Variants in AGBL1 observed in about 807,000 individuals in gnomAD.
AGBL1 encodes the protein AGBL carboxypeptidase 1, also known as cytosolic carboxypeptidase 4.
In AGBL1, 130 loss-of-function variants were observed where a neutral mutation model predicts 118.9. That is an observed-to-expected ratio of 1.09 (90% CI 0.95 to 1.26). The LOEUF is 1.26. Among genes scored for constraint, AGBL1 ranks in the 50% most tolerant of loss-of-function variants. The pLI, the probability that AGBL1 is intolerant of heterozygous loss-of-function variation, is 0.00. For synonymous variants in AGBL1, 555 were observed against 478.9 expected (o/e 1.16, Z -2.08); for missense variants, 1,584 against 1,298.1 (o/e 1.22, Z -3.38).
intron 21 of AGBL1, among the ~76,000 whole-genome samples, chr15:86,586,489 T>G (rs1445672422): frequency 6.6e-6 from 1 of 152,150 alleles, no homozygotes; most frequent in Non-Finnish European, 1.5e-5. Context: ...GAGTAACATG[T>G]CCAAGGTCAC....
At chr15:86,795,837 C>T (rs28716191) in intron 22 of AGBL1, among the ~76,000 whole-genome samples, 15,597 of 151,126 alleles carry the variant, frequency 0.1, 1,516 homozygotes, top group African/African-American at 0.23. Flanking sequence ...CCACCCACCC[C>T]AGCCCCGCAA....
intron 17 of AGBL1, among the ~76,000 whole-genome samples, chr15:86,314,289 T>C (rs1268876903): frequency 1.3e-5 from 2 of 152,200 alleles, no homozygotes; most frequent in African/African-American, 2.4e-5. Flanking sequence ...GCCTGTTGCA[T>C]GCTACTTCAT....
chr15:87,015,042 A>G (rs1251028627), intron 24 of AGBL1, among the ~76,000 whole-genome samples: 1 of 152,130 alleles, frequency 6.6e-6, no homozygotes, highest in Admixed American at 6.6e-5. Context: ...CCCTGATGGA[A>G]CAAACAGGTG....
chr15:87,022,762 C>T (rs1442771218), intron 24 of AGBL1, among the ~76,000 whole-genome samples: 1 of 152,108 alleles, frequency 6.6e-6, no homozygotes, highest in African/African-American at 2.4e-5. Context: ...GCAGATTTCT[C>T]AGCAGAAACC....
intron 18 of AGBL1, among the ~76,000 whole-genome samples, chr15:86,456,236 A>C (rs561818083): frequency 1.3e-5 from 2 of 152,228 alleles, no homozygotes; most frequent in Non-Finnish European, 2.9e-5. Flanking sequence ...TTAATAAGTC[A>C]CATCACATTT....
chr15:86,900,115 T>G (rs775531992), intron 22 of AGBL1, among the ~76,000 whole-genome samples: 9 of 152,140 alleles, frequency 5.9e-5, no homozygotes, highest in African/African-American at 2.2e-4. Flanking sequence ...TGCCAGGAGC[T>G]CTCGGGCCTT....
At chr15:86,784,353 C>T (rs8032358) in intron 22 of AGBL1, among the ~76,000 whole-genome samples, 94,388 of 151,916 alleles carry the variant, frequency 0.62, 29,371 homozygotes, top group East Asian at 0.69. Flanking sequence ...AAACAGGAGA[C>T]GTGGTTATGC....
At chr15:86,512,456 TG>T (rs894880709) in intron 18 of AGBL1, among the ~76,000 whole-genome samples, 23 of 152,034 alleles carry the variant, frequency 1.5e-4, no homozygotes, top group African/African-American at 5.3e-4. Flanking sequence ...TGAATATCCT[TG>T]TTCAATTTTC....
intron 24 of AGBL1, among the ~76,000 whole-genome samples, chr15:87,016,338 A>G (rs1010048944): frequency 4.6e-5 from 7 of 152,202 alleles, no homozygotes; most frequent in African/African-American, 1.7e-4. Context: ...AGGCTTAGCA[A>G]TGGACTCAGC....
At chr15:86,410,486 T>G (rs2081592118) in intron 18 of AGBL1, among the ~76,000 whole-genome samples, 1 of 152,010 alleles carries the variant, frequency 6.6e-6, no homozygotes, top group Non-Finnish European at 1.5e-5. Context: ...TTTACTTAAC[T>G]TCTCTACTCC....
intron 23 of AGBL1, among the ~76,000 whole-genome samples, chr15:86,956,373 A>T (rs2080932008): frequency 6.6e-6 from 1 of 152,116 alleles, no homozygotes; most frequent in South Asian, 2.1e-4. Flanking sequence ...AGAGAGGCAG[A>T]TAAAATGAAA....
At chr15:86,512,883 A>C (rs1596208736) in intron 18 of AGBL1, among the ~76,000 whole-genome samples, 1 of 151,578 alleles carries the variant, frequency 6.6e-6, no homozygotes, top group Admixed American at 6.6e-5. Context: ...TTATCACCTA[A>C]TTTTTGAGTT....
intron 22 of AGBL1, among the ~76,000 whole-genome samples, chr15:86,749,971 C>T (rs2077820814): frequency 6.6e-6 from 1 of 152,064 alleles, no homozygotes; most frequent in Non-Finnish European, 1.5e-5. Context: ...CTAAAATTCT[C>T]TTTTTTTGTT....
intron 22 of AGBL1, among the ~76,000 whole-genome samples, chr15:86,880,673 G>A (rs1351004629): frequency 2.0e-5 from 3 of 152,150 alleles, no homozygotes; most frequent in East Asian, 3.9e-4. Flanking sequence ...GTGAGTGGGT[G>A]TGGATGTGAG....
intron 22 of AGBL1, among the ~76,000 whole-genome samples, chr15:86,685,690 AAGG>A (rs576565337): frequency 1.6e-4 from 25 of 152,280 alleles, no homozygotes; most frequent in South Asian, 8.3e-4. Context: ...AGATAAATAA[AAGG>A]AGGTTTATGA....
At chr15:86,360,962 A>G (rs1039488884) in intron 17 of AGBL1, among the ~76,000 whole-genome samples, 12 of 151,376 alleles carry the variant, frequency 7.9e-5, no homozygotes, top group African/African-American at 2.9e-4. Flanking sequence ...TTGTTTTTCT[A>G]TTTTCTATTT....
chr15:86,821,601 A>C (rs1449230047), intron 22 of AGBL1, among the ~76,000 whole-genome samples: 2 of 152,154 alleles, frequency 1.3e-5, no homozygotes. Context: ...TATGCTGATG[A>C]ATTTTTGCCT....
intron 17 of AGBL1, among the ~76,000 whole-genome samples, chr15:86,381,695 C>T (rs138054502): frequency 1.9e-3 from 292 of 152,250 alleles, no homozygotes; most frequent in African/African-American, 6.6e-3. Flanking sequence ...TGAAACACGA[C>T]GTAACCAGAA....
downstream of AGBL1, among the ~76,000 whole-genome samples, chr15:86,917,933 T>TC (rs1805353468): frequency 1.3e-5 from 2 of 152,122 alleles, no homozygotes; most frequent in South Asian, 4.2e-4. This position sits in a 1 kb window ranked among gnomAD's most constrained non-coding sequence, Gnocchi z 4.8. Flanking sequence ...TTTCACTCCA[T>TC]CCCTAGTCCC....
Sources: gnomAD v4.1 joint callset for allele counts (sites outside exome capture counted in the v4.1 genomes callset) on GRCh38, gnomAD v4.1.1 for gene constraint, Gnocchi (gnomAD v3.1) non-coding constraint, MANE v1.5 for transcripts, NCBI Gene and HGNC (gene_info 2026-07-23, HGNC 2026-07-21) for gene names.